The following RASGEF1A variants were observed in gnomAD, a reference collection of about 807,000 sequenced individuals.
RASGEF1A encodes RasGEF domain family member 1A.
Under a neutral mutation model 56.4 loss-of-function variants are expected in RASGEF1A, and 18 were observed. The observed-to-expected ratio is 0.32, with a 90% CI of 0.22 to 0.47. The LOEUF is 0.47. Ranked by LOEUF, RASGEF1A falls within the 20% of genes least tolerant of loss-of-function variation. The probability of loss-of-function intolerance (pLI) is 1.00; values close to 1 mark genes in which losing one functional copy is unlikely to be tolerated. For synonymous variants in RASGEF1A, 245 were observed against 242.6 expected (o/e 1.01, Z -0.09); for missense variants, 422 against 627.1 (o/e 0.67, Z 3.49).
chr10:43,219,121 C>T (rs1324363040), intron 1 of RASGEF1A, among the ~76,000 whole-genome samples: 1 of 152,192 alleles, frequency 6.6e-6, no homozygotes, highest in Non-Finnish European at 1.5e-5. Flanking sequence ...TGCCCTTTCC[C>T]GGCAGGCGCT....
intron 1 of RASGEF1A, chr10:43,208,678 G>A (rs890575312): frequency 1.1e-5 from 11 of 985,452 alleles, no homozygotes; most frequent in East Asian, 1.1e-4. Context: ...CTGGGGACAC[G>A]GCCCAGGGCT....
chr10:43,196,877 G>A lies in RASGEF1A; in HGVS notation c.1348+99C>T, dbSNP rs1403567359. On this transcript the variant is annotated intron_variant, in intron 11 of 12. Transcript: ENST00000395810. The surrounding 1 kb of genome is among the most constrained non-coding windows in gnomAD (Gnocchi z 4.6). Reference sequence around the variant, plus strand: ...AGCCAGCCCTGTGTGGCATGGAGCAGCCAGCAGGCCATCTCCCAGGGCAAC... The same window carrying A: ...AGCCAGCCCTGTGTGGCATGGAGCAACCAGCAGGCCATCTCCCAGGGCAAC... 3 of 1,448,498 alleles carry A rather than the reference G, an allele frequency of 2.1e-6. No individual in the cohort carries two copies. The African/African-American group carries it at 4.2e-5, about 20-fold the overall frequency. 89.7% of individuals were successfully genotyped at this position (1,448,498 alleles called of 1,614,324 possible).
chr10:43,222,563 G>C (rs963215333), intron 1 of RASGEF1A, among the ~76,000 whole-genome samples: 1 of 152,250 alleles, frequency 6.6e-6, no homozygotes. Flanking sequence ...GGGCCCTGGA[G>C]TGCAGTGCCT....
At position 43,195,860 on chromosome 10, in the gene RASGEF1A, T is replaced by C; in HGVS notation, c.*384A>G. On this transcript the variant is annotated 3_prime_UTR_variant, in exon 13 of 13. Transcript: ENST00000395810. This position sits in a 1 kb window ranked among gnomAD's most constrained non-coding sequence, Gnocchi z 4.2. ...TAACCCCGACGTCAGAGACACTGGCTGGAAAGGCGTCCGAGCAGGCAGGGC... is the reference window on the plus strand; with the variant it reads ...TAACCCCGACGTCAGAGACACTGGCCGGAAAGGCGTCCGAGCAGGCAGGGC... 1 of 163,126 alleles carries C rather than the reference T, an allele frequency of 6.1e-6. No individual in the cohort carries two copies. The highest frequency in any genetic ancestry group is 1.3e-5 in the Non-Finnish European group (1 of 74,556). The allele number at this position is 163,126 out of a possible 1,614,324, so 10.1% of individuals were successfully genotyped here.
At chr10:43,231,538 T>C (rs546046853) in intron 1 of RASGEF1A, among the ~76,000 whole-genome samples, 2 of 152,370 alleles carry the variant, frequency 1.3e-5, no homozygotes, top group African/African-American at 4.8e-5. Context: ...AGCCTTCTTA[T>C]GCAGTCACAG....
chr10:43,230,044 GC>G (rs1205006275), intron 1 of RASGEF1A, among the ~76,000 whole-genome samples: 2 of 152,000 alleles, frequency 1.3e-5, no homozygotes, highest in Non-Finnish European at 2.9e-5. Flanking sequence ...GATCGGCCGT[GC>G]CGGGGGTCGG....
Position 43,243,481 on chromosome 10 carries a change from C to T in RASGEF1A, c.-7+23364G>A, listed in dbSNP as rs544537398. ...GAAGTGAGGGGCGTCTTTACCCGGC[C>T]GCCACCCCATCTGGGAAGTGAGGAG... is the stretch of plus-strand genomic sequence containing the variant. On this transcript the variant is annotated intron_variant, in intron 1 of 12. Transcript: ENST00000395810. 3.1e-3 allele frequency among the ~76,000 whole-genome samples: 458 copies of T among 145,794 alleles called. 2 individuals carry two copies. The highest frequency in any genetic ancestry group is 4.4e-3 in the South Asian group (20 of 4,528).
chr10:43,266,220 A>G (rs1588956337), intron 1 of RASGEF1A, among the ~76,000 whole-genome samples: 1 of 152,018 alleles, frequency 6.6e-6, no homozygotes, highest in African/African-American at 2.4e-5. Context: ...AACCAGCTGC[A>G]CCTGCCCCGT....
rs1386343195 is a variant in RASGEF1A, at chr10:43,201,911, T to C, written c.356A>G (p.Gln119Arg). The C allele has an allele frequency of 1.2e-6, 2 of 1,610,818 alleles. No individual in the cohort carries two copies. The highest frequency in any genetic ancestry group is 1.7e-6 in the Non-Finnish European group (2 of 1,178,136). The change falls in exon 4 of 13, where the codon CAG becomes CGG. Residue 119 changes from glutamine to arginine, a missense_variant. Gln to Arg is a conservative substitution (Grantham distance 43, BLOSUM62 1). Around this residue, in one of 2 missense-constraint regions of RASGEF1A, gnomAD observed 273 missense variants for 339.9 expected, o/e 0.80. Coordinates refer to ENST00000395810, the MANE Select transcript of RASGEF1A (RefSeq NM_145313.4). ...KLKSFSAKIV[Q>R]LLKEWTEAFP... ...GGCCTCGGTCCACTCCTTCAGGAGC[T>C]GCACGATCTTGGCTGAGAAAGACTT...
chr10:43,266,578 T>G (rs888409859), intron 1 of RASGEF1A, among the ~76,000 whole-genome samples: 5 of 148,782 alleles, frequency 3.4e-5, no homozygotes, highest in Non-Finnish European at 6.0e-5. Flanking sequence ...CCAGGTGCCC[T>G]GAAGGGGCGG....
intron 1 of RASGEF1A, among the ~76,000 whole-genome samples, chr10:43,257,773 G>A (rs1836449428): frequency 1.3e-5 from 2 of 152,218 alleles, no homozygotes; most frequent in Non-Finnish European, 2.9e-5. Flanking sequence ...GCTGTATAAT[G>A]TCTGGTTGAG....
chr10:43,207,218 G>T, intron 1 of RASGEF1A: 2 of 985,502 alleles, frequency 2.0e-6, no homozygotes, highest in Non-Finnish European at 2.4e-6. Flanking sequence ...AGGTGCCAGC[G>T]GCTGAGGTCA....
intron 1 of RASGEF1A, among the ~76,000 whole-genome samples, chr10:43,235,060 G>T (rs7909477): frequency 0.013 from 1,919 of 152,346 alleles, 42 homozygotes; most frequent in African/African-American, 0.044. Flanking sequence ...CCTTGGGTCA[G>T]TGGGGAACCC....
chr10:43,253,115 C>A (rs7923256), intron 1 of RASGEF1A, among the ~76,000 whole-genome samples: 1 of 152,068 alleles, frequency 6.6e-6, no homozygotes, highest in African/African-American at 2.4e-5. Context: ...TGCCCCCACA[C>A]ACTTCCACGC....
At chr10:43,251,074 A>G (rs1390755777) in intron 1 of RASGEF1A, among the ~76,000 whole-genome samples, 1 of 152,212 alleles carries the variant, frequency 6.6e-6, no homozygotes, top group Non-Finnish European at 1.5e-5. Context: ...GGAAGTGCCT[A>G]TTCCCTGATG....
intron 1 of RASGEF1A, among the ~76,000 whole-genome samples, chr10:43,256,876 G>A (rs1451334860): frequency 2.6e-5 from 4 of 152,178 alleles, no homozygotes; most frequent in Admixed American, 6.5e-5. Context: ...TCTACAACCG[G>A]AAACCCCCTT....
intron 1 of RASGEF1A, among the ~76,000 whole-genome samples, chr10:43,246,745 C>A (rs952095876): frequency 6.6e-6 from 1 of 152,258 alleles, no homozygotes; most frequent in Non-Finnish European, 1.5e-5. Flanking sequence ...TGGATTTGTA[C>A]CTCGTACCAC....
At position 43,254,846 on chromosome 10, in the gene RASGEF1A, C is replaced by T. The variant is rs77287779; in HGVS notation, c.-7+11999G>A. Among the ~76,000 whole-genome samples the T allele has an allele frequency of 9.7e-3, 1,478 of 152,258 alleles. 25 individuals are homozygous for T. The highest frequency in any genetic ancestry group is 0.033 in the African/African-American group (1,382 of 41,530). On this transcript the variant is annotated intron_variant, in intron 1 of 12. Transcript: ENST00000395810. ...AGGGAGGGAACAAAGGAGACAGTCCCTTTATGGCACACAAGCAATGACACC... is the reference window on the plus strand; with the variant it reads ...AGGGAGGGAACAAAGGAGACAGTCCTTTTATGGCACACAAGCAATGACACC...
In RASGEF1A at chr10:43,203,308, C is replaced by T. The variant is rs746244025; in HGVS notation, c.311G>A (p.Gly104Glu). The T allele has an allele frequency of 6.4e-7, 1 of 1,557,942 alleles. No homozygotes were observed. Residue 104 changes from glycine (G) to glutamate (E), a missense_variant, in exon 3 of 13, where the codon GGG becomes GAG. This residue lies in a region of RASGEF1A where 273 missense variants were observed against 339.9 expected (regional missense o/e 0.80). Transcript: ENST00000395810. ...CVEQKQQLEA[G>E]PEKAKLKSFS... ...CAGGCCCCGCCTCACCTTTTCAGGC[C>T]CGGCTTCCAGCTGCTGCTTCTGCTC...
Sources: allele counts gnomAD v4.1 joint callset (sites outside exome capture counted in the v4.1 genomes callset), GRCh38; gene constraint gnomAD v4.1.1; regional missense constraint gnomAD v4.1.1; non-coding constraint Gnocchi (gnomAD v3.1); transcripts MANE v1.5; gene names NCBI Gene and HGNC (gene_info 2026-07-23, HGNC 2026-07-21).